RGS5: variants seen among roughly 807,000 people sequenced by gnomAD.
The protein encoded by RGS5 is regulator of G protein signaling 5.
In RGS5, 20 loss-of-function variants were observed where a neutral mutation model predicts 18.9. The ratio of observed to expected loss-of-function variants is 1.06; its 90% CI spans 0.74 to 1.54. The LOEUF (loss-of-function observed/expected upper bound fraction) is 1.54, where lower values mean the gene tolerates loss of function less well. RGS5 is among the 40% of genes most tolerant of loss of function. The pLI is 0.00. For synonymous variants in RGS5, 57 were observed against 76.2 expected, an observed-to-expected ratio of 0.75 and a Z score of 1.31; for missense variants, 201 against 211.8, an observed-to-expected ratio of 0.95 and a Z score of 0.32.
intron 1 of RGS5, among the ~76,000 whole-genome samples, chr1:163,170,201 T>C (rs1045550593): frequency 6.6e-6 from 1 of 152,224 alleles, no homozygotes; most frequent in Non-Finnish European, 1.5e-5. Context: ...GTTCATCATA[T>C]TGCATTATGG....
At chr1:163,278,452 C>T (rs1017597817) in intron 2 of RGS5, among the ~76,000 whole-genome samples, 7 of 151,908 alleles carry the variant, frequency 4.6e-5, no homozygotes, top group African/African-American at 1.7e-4. Flanking sequence ...ATTAGACTGG[C>T]CACTAAAAAT....
At chr1:163,303,243 G>C (rs1387173194) in intron 2 of RGS5, among the ~76,000 whole-genome samples, 1 of 151,986 alleles carries the variant, frequency 6.6e-6, no homozygotes, top group Non-Finnish European at 1.5e-5. Context: ...ATTTTATCTA[G>C]CAATCCTCCC....
rs1656977522 is a variant in RGS5, at chr1:163,142,876, G to A, written c.*4466C>T. 1.3e-5 allele frequency: 2 copies of A among 152,152 alleles called. No individual in the cohort carries two copies. The highest frequency in any genetic ancestry group is 2.9e-5 in the Non-Finnish European group (2 of 68,010). The allele number at this position is 152,152 out of a possible 1,614,324, so 9.4% of individuals were successfully genotyped here. ...TAACTTGCAAGAGGCTTATTAAACTGTATATAAATGTTGAAGAGGCTGATT... is the reference window on the plus strand; with the variant it reads ...TAACTTGCAAGAGGCTTATTAAACTATATATAAATGTTGAAGAGGCTGATT... On this transcript the variant is annotated 3_prime_UTR_variant, in exon 5 of 5. Coordinates refer to ENST00000313961, the MANE Select transcript of RGS5 (RefSeq NM_003617.4).
At chr1:163,202,224 C>T (rs1659797734) in intron 1 of RGS5, among the ~76,000 whole-genome samples, 2 of 152,142 alleles carry the variant, frequency 1.3e-5, no homozygotes, top group South Asian at 4.1e-4. Flanking sequence ...AACTTGCCTC[C>T]CTCTCCCAGT....
At chr1:163,148,245 A>T (rs1657235587) in intron 4 of RGS5, among the ~76,000 whole-genome samples, 3 of 152,056 alleles carry the variant, frequency 2.0e-5, no homozygotes, top group African/African-American at 7.2e-5. Flanking sequence ...TAATTTTAAA[A>T]TTCTAACACA....
At chr1:163,303,582 G>A (rs1453910659) in intron 2 of RGS5, among the ~76,000 whole-genome samples, 2 of 152,146 alleles carry the variant, frequency 1.3e-5, no homozygotes, top group African/African-American at 4.8e-5. Flanking sequence ...TACTTAAACT[G>A]TACTTCTGTA....
chr1:163,267,220 T>G (rs1160899004), intron 2 of RGS5: 1 of 152,064 alleles, frequency 6.6e-6, no homozygotes, highest in Non-Finnish European at 1.5e-5. Flanking sequence ...CTTGAGGGTG[T>G]ACATGCTTTC....
intron 2 of RGS5, among the ~76,000 whole-genome samples, chr1:163,233,473 A>G (rs975719199): frequency 5.3e-5 from 8 of 152,234 alleles, no homozygotes; most frequent in Admixed American, 2.0e-4. Context: ...GGAAATTTCA[A>G]TGTAAACAGC....
intron 2 of RGS5, among the ~76,000 whole-genome samples, chr1:163,297,728 A>C (rs1268852056): frequency 6.6e-6 from 1 of 152,146 alleles, no homozygotes; most frequent in Non-Finnish European, 1.5e-5. Flanking sequence ...TTTTGTTACA[A>C]GGAATTTCAG....
intron 1 of RGS5, chr1:163,172,447 T>C: frequency 2.5e-6 from 3 of 1,210,696 alleles, no homozygotes; most frequent in Non-Finnish European, 3.5e-6. Flanking sequence ...CTATTTTATC[T>C]ATATCACTGC....
chr1:163,315,345 C>T (rs1458398003), intron 1 of RGS5, among the ~76,000 whole-genome samples: 2 of 152,038 alleles, frequency 1.3e-5, no homozygotes, highest in African/African-American at 2.4e-5. Flanking sequence ...CTGCCTGAGG[C>T]CAGGAGTTCG....
intron 2 of RGS5, among the ~76,000 whole-genome samples, chr1:163,273,734 T>C (rs1557927371): frequency 6.6e-6 from 1 of 152,190 alleles, no homozygotes; most frequent in Non-Finnish European, 1.5e-5. Flanking sequence ...TTCTTGTTTC[T>C]TTCTATCTGT....
At chr1:163,306,321 G>A (rs182282973) in exon 2 of RGS5, 52 of 152,208 alleles carry the variant, frequency 3.4e-4, no homozygotes, top group African/African-American at 1.2e-3. Flanking sequence ...CTTTTTAAGC[G>A]CTCTGTTTCT....
At chr1:163,190,450 T>C (rs1258142051) in intron 1 of RGS5, among the ~76,000 whole-genome samples, 1 of 152,154 alleles carries the variant, frequency 6.6e-6, no homozygotes, top group African/African-American at 2.4e-5. Flanking sequence ...CCTGGAAAAG[T>C]TCCATAGTAA....
intron 2 of RGS5, among the ~76,000 whole-genome samples, chr1:163,249,647 C>T (rs944934398): frequency 3.3e-5 from 5 of 152,090 alleles, no homozygotes; most frequent in South Asian, 2.1e-4. Context: ...AAAAATTAGC[C>T]GGGCATTGTG....
At chr1:163,267,961 G>A (rs1240674263) in intron 2 of RGS5, among the ~76,000 whole-genome samples, 2 of 151,940 alleles carry the variant, frequency 1.3e-5, no homozygotes, top group Non-Finnish European at 2.9e-5. Flanking sequence ...TTGCTCCCAG[G>A]TGATTTATAA....
chr1:163,215,198 T>G (rs1660190381), intron 1 of RGS5, among the ~76,000 whole-genome samples: 2 of 152,208 alleles, frequency 1.3e-5, no homozygotes, highest in South Asian at 4.1e-4. Context: ...TTGTAAATGC[T>G]GCATGTATTT....
intron 2 of RGS5, among the ~76,000 whole-genome samples, chr1:163,261,033 T>G (rs926521366): frequency 1.3e-5 from 2 of 152,218 alleles, no homozygotes; most frequent in African/African-American, 4.8e-5. Flanking sequence ...ACAGTGGCAG[T>G]TAAGCTTGTA....
intron 2 of RGS5, among the ~76,000 whole-genome samples, chr1:163,293,611 C>T (rs2101727243): frequency 6.6e-6 from 1 of 152,170 alleles, no homozygotes; most frequent in Non-Finnish European, 1.5e-5. Flanking sequence ...ATCTCATGTC[C>T]TTTTCACATT....
Sources: gnomAD v4.1 joint callset for allele counts (sites outside exome capture counted in the v4.1 genomes callset) on GRCh38, gnomAD v4.1.1 for gene constraint, MANE v1.5 for transcripts, NCBI Gene and HGNC (gene_info 2026-07-23, HGNC 2026-07-21) for gene names.